LRRN4: variants seen among roughly 807,000 people sequenced by gnomAD.
LRRN4 encodes leucine-rich repeat neuronal protein 4.
A neutral mutation model predicts 22.3 loss-of-function variants in LRRN4; 26 were observed. The observed-to-expected ratio is 1.16, with a 90% CI of 0.85 to 1.62. The LOEUF is 1.62. Ranked by LOEUF, LRRN4 falls within the 40% of genes most tolerant of loss-of-function variation. The pLI, the probability that LRRN4 is intolerant of heterozygous loss-of-function variation, is 0.00. For synonymous variants in LRRN4, 496 were observed against 486.2 expected, an observed-to-expected ratio of 1.02 and a Z score of -0.26; for missense variants, 1,070 against 1,008.5, an observed-to-expected ratio of 1.06 and a Z score of -0.83.
Position 6,052,128 on chromosome 20 carries a change from G to C in LRRN4, c.655+17C>G. On this transcript the variant is annotated intron_variant, in intron 2 of 4. Transcript: ENST00000378858. ...CTGCGCTCAGGCCGGCTGAAAACGC[G>C]GGGCGCCCGGACTCACCCCGTTCAA... The C allele has an allele frequency of 1.3e-6, 2 of 1,577,456 alleles. No homozygotes were observed. The highest frequency in any genetic ancestry group is 1.7e-6 in the Non-Finnish European group (2 of 1,162,634).
rs998316618 is a variant in LRRN4, at chr20:6,049,792, C to T, written c.860+987G>A. On this transcript the variant is annotated intron_variant, in intron 3 of 4. Transcript: ENST00000378858. Reference sequence around the variant, plus strand: ...TGCTGGGATTACAGGCATGAGCCATCATGCCTGGCCTCACCACCACTATTA... The same window carrying T: ...TGCTGGGATTACAGGCATGAGCCATTATGCCTGGCCTCACCACCACTATTA... Among the ~76,000 whole-genome samples the T allele has an allele frequency of 2.0e-5, 3 of 151,556 alleles. No homozygotes were observed. The South Asian group carries it at 6.9e-4, about 35-fold the overall frequency.
At position 6,041,820 on chromosome 20, in the gene LRRN4, G is replaced by C. The variant is rs749051409; in HGVS notation, c.1425C>G (p.Ser475=). The change falls in exon 5 of 5, where the codon TCC becomes TCG. Residue 475 remains serine, a synonymous_variant. Coordinates refer to ENST00000378858, the MANE Select transcript of LRRN4 (RefSeq NM_152611.5). The surrounding 1 kb of genome is among the most constrained non-coding windows in gnomAD (Gnocchi z 9.4). ...LVLEPDISAA[S]TPLASKLLGP... is the part of the protein sequence containing the mutation. Reference sequence around the variant, plus strand: ...CCAGGAGCTTGCTGGCCAGTGGGGTGGAGGCAGCTGAGATATCAGGCTCAA... The same window carrying C: ...CCAGGAGCTTGCTGGCCAGTGGGGTCGAGGCAGCTGAGATATCAGGCTCAA... 1 of 1,614,202 alleles carries C rather than the reference G, an allele frequency of 6.2e-7. No homozygotes were observed. Among genetic ancestry groups the C allele is most frequent in the Admixed American group, 1.7e-5 (1 of 60,030 alleles).
chr20:6,041,255 A>C lies in LRRN4; in HGVS notation c.1990T>G (p.Ser664Ala), dbSNP rs892070274. 2.5e-6 allele frequency: 4 copies of C among 1,585,070 alleles called. No homozygotes were observed. In the African/African-American group the frequency reaches 4.0e-5, roughly 16 times the overall value. The change falls in exon 5 of 5, where the codon TCT becomes GCT. Residue 664 changes from serine to alanine, a missense_variant. Transcript: ENST00000378858. This position sits in a 1 kb window ranked among gnomAD's most constrained non-coding sequence, Gnocchi z 9.4. ...GCGCACGGGCTCCTCCAGCCCGAAG[A>C]CCGTGGCTGGCTCAAGCCCGCCCTG... is the stretch of plus-strand genomic sequence containing the variant. ...ANRAGLSQPR[S>A]SGWRSPCAAF...
intron 4 of LRRN4, 117 bp downstream of exon 4, chr20:6,044,426 C>T (rs1231368291): frequency 1.4e-5 from 16 of 1,103,484 alleles, no homozygotes; most frequent in Non-Finnish European, 1.6e-5. Flanking sequence ...AAAGGCTGCC[C>T]AGCCCAACAT....
rs1297742280 is a variant in LRRN4, at chr20:6,052,578, C to A, written c.222G>T (p.Pro74=). The change falls in exon 2 of 5, where the codon CCG becomes CCT. Residue 74 remains proline, a synonymous_variant. Transcript: ENST00000378858. ...RNLERLPGCL[P]RTLRSLDASH... ...TGGCGTCGAGGCTGCGCAGTGTGCG[C>A]GGTAGGCAGCCGGGCAGGCGCTCCA... 1.9e-6 allele frequency: 3 copies of A among 1,581,542 alleles called. No individual in the cohort carries two copies. Among genetic ancestry groups the A allele is most frequent in the Admixed American group, 1.8e-5 (1 of 56,436 alleles).
chr20:6,044,544 T>TG lies in LRRN4; in HGVS notation c.996dup (p.Arg333GlnfsTer79). ...CCATCTGCTTTGTAAATGTGTTACC[T>TG]GCTTAGGACAGTTCTCTTTGCATCC... On this transcript the variant is annotated frameshift_variant and splice_region_variant, in exon 4 of 5. Transcript: ENST00000378858. LOFTEE classifies it low-confidence loss of function (END_TRUNC). The TG allele has an allele frequency of 6.6e-7, 1 of 1,521,858 alleles. No homozygotes were observed. The highest frequency in any genetic ancestry group is 8.8e-7 in the Non-Finnish European group (1 of 1,135,858). The allele number at this position is 1,521,858 out of a possible 1,614,324, so 94.3% of individuals were successfully genotyped here. A position where few individuals can be genotyped will look rare whatever the true frequency, so the allele number is the denominator to read the frequency against.
At chr20:6,053,340 A>G (rs956484888) in intron 1 of LRRN4, among the ~76,000 whole-genome samples, 1 of 152,168 alleles carries the variant, frequency 6.6e-6, no homozygotes, top group East Asian at 1.9e-4. Context: ...TTTGCCTAAA[A>G]TAAGTCTTGG....
chr20:6,047,789 CA>C (rs11333545), intron 3 of LRRN4, among the ~76,000 whole-genome samples: 85,462 of 139,374 alleles, frequency 0.61, 25,424 homozygotes, highest in African/African-American at 0.66. Context: ...GACTCCATCT[CA>C]AAAAAAAAAA....
rs1383367884 is a variant in LRRN4 at position 6,052,340 on chromosome 20, C to T, written c.460G>A (p.Ala154Thr). ...ALSSLRALAL[A>T]GNPLRALQPR... ...TGCAGCGCCCGCAGCGGATTCCCGG[C>T]GAGCGCCAGGGCGCGGAGGCTGCTC... The change falls in exon 2 of 5, where the codon GCC becomes ACC. Residue 154 changes from alanine to threonine, a missense_variant. Coordinates refer to ENST00000378858, the MANE Select transcript of LRRN4 (RefSeq NM_152611.5). 2 of 1,507,368 alleles carry T rather than the reference C, an allele frequency of 1.3e-6. No homozygotes were observed. Among genetic ancestry groups the T allele is most frequent in the Non-Finnish European group, 1.8e-6 (2 of 1,136,392 alleles). The allele number at this position is 1,507,368 out of a possible 1,614,324, so 93.4% of individuals were successfully genotyped here. A position where few individuals can be genotyped will look rare whatever the true frequency, so the allele number is the denominator to read the frequency against.
At position 6,052,806 on chromosome 20, in the gene LRRN4, T is replaced by C. The variant is rs1171459424; in HGVS notation, c.-5-2A>G. The C allele has an allele frequency of 1.3e-6, 2 of 1,559,838 alleles. No individual in the cohort carries two copies. The highest frequency in any genetic ancestry group is 1.7e-6 in the Non-Finnish European group (2 of 1,159,988). ...GCGGTAGGGTTTGCCGCATGGCGTC[T>C]GGGGAGAGAACAGCAGGACGCCCAT... On this transcript the variant is annotated splice_acceptor_variant, in intron 1 of 4. Coordinates refer to ENST00000378858, the MANE Select transcript of LRRN4 (RefSeq NM_152611.5). LOFTEE classifies it low-confidence loss of function (5UTR_SPLICE).
At chr20:6,053,035 TC>T (rs1291337441) in intron 1 of LRRN4, among the ~76,000 whole-genome samples, 3 of 152,086 alleles carry the variant, frequency 2.0e-5, no homozygotes, top group African/African-American at 7.2e-5. Flanking sequence ...CTGCTCTTCC[TC>T]CCCTCAAGGA....
Position 6,052,731 on chromosome 20 carries a change from C to T in LRRN4, c.69G>A (p.Glu23=), listed in dbSNP as rs1244298858. The T allele has an allele frequency of 6.4e-7, 1 of 1,571,570 alleles. No individual in the cohort carries two copies. The highest frequency in any genetic ancestry group is 1.2e-5 in the South Asian group (1 of 86,796). The change falls in exon 2 of 5, where the codon GAG becomes GAA. Residue 23 remains glutamate, a synonymous_variant. Transcript: ENST00000378858. ...GAGTGACCCGGAAGAGCGGGACCTTCTCCTGGGGAGGGTCTGCCCAGCTGG... is the reference window on the plus strand; with the variant it reads ...GAGTGACCCGGAAGAGCGGGACCTTTTCCTGGGGAGGGTCTGCCCAGCTGG... The part of the protein sequence containing the change: ...LRPSWADPPQ[E]KVPLFRVTQQ...
intron 1 of LRRN4, among the ~76,000 whole-genome samples, chr20:6,053,573 C>T (rs1045386972): frequency 1.3e-5 from 2 of 152,066 alleles, no homozygotes; most frequent in African/African-American, 2.4e-5. Context: ...GAGGAAGATC[C>T]GGCAGCCATG....
Position 6,040,967 on chromosome 20 carries a change from C to A in LRRN4, c.*55G>T. ...TGGGGTCGTTTTTGACCGTCTGTGT[C>A]TTCCTTTTTGCGCTCAGATCCAGTT... On this transcript the variant is annotated 3_prime_UTR_variant, in exon 5 of 5. Coordinates refer to ENST00000378858, the MANE Select transcript of LRRN4 (RefSeq NM_152611.5). 1 of 1,573,334 alleles carries A rather than the reference C, an allele frequency of 6.4e-7. No homozygotes were observed. The highest frequency in any genetic ancestry group is 8.7e-7 in the Non-Finnish European group (1 of 1,153,996).
chr20:6,052,764 C>A lies in LRRN4; in HGVS notation c.36G>T (p.Val12=), dbSNP rs927592489. 10 of 1,575,096 alleles carry A rather than the reference C, an allele frequency of 6.3e-6. No homozygotes were observed. Among genetic ancestry groups the A allele is most frequent in the Non-Finnish European group, 8.6e-6 (10 of 1,168,210 alleles). Residue 12 remains valine, a synonymous_variant, in exon 2 of 5, where the codon GTG becomes GTT. Transcript: ENST00000378858. ...GAGGGTCTGCCCAGCTGGGGCGCAG[C>A]ACCGTCAGCAGCAGCAGCGGTAGGG... is the stretch of plus-strand genomic sequence containing the variant. ...RQTLPLLLLT[V]LRPSWADPPQ... is the part of the protein sequence containing the mutation.
intron 3 of LRRN4, among the ~76,000 whole-genome samples, chr20:6,045,132 C>T (rs977355404): frequency 3.4e-5 from 5 of 148,494 alleles, no homozygotes; most frequent in Non-Finnish European, 3.0e-5. Context: ...CATGACTGAT[C>T]GTTGTATCAA....
At chr20:6,051,442 A>G (rs1353858190) in intron 2 of LRRN4, among the ~76,000 whole-genome samples, 1 of 152,240 alleles carries the variant, frequency 6.6e-6, no homozygotes, top group East Asian at 1.9e-4. Context: ...TAATACATGG[A>G]GAACGTGCCC....
Position 6,046,849 on chromosome 20 carries a change from G to T in LRRN4, c.861-2169C>A. On this transcript the variant is annotated intron_variant, in intron 3 of 4. Coordinates refer to ENST00000378858, the MANE Select transcript of LRRN4 (RefSeq NM_152611.5). ...TATATATGCGTGTATGCTTGTTTTT[G>T]CAGATTTTACATAGCTAGAATGGAA... Among the ~76,000 whole-genome samples, 2 of 141,780 alleles carry T rather than the reference G, an allele frequency of 1.4e-5. 1 individual carries two copies. Among genetic ancestry groups the T allele is most frequent in the Non-Finnish European group, 3.2e-5 (2 of 62,854 alleles). 93.0% of individuals were successfully genotyped at this position (141,780 alleles called of 152,430 possible). A position where few individuals can be genotyped will look rare whatever the true frequency, so the allele number is the denominator to read the frequency against.
At chr20:6,047,153 G>A (rs6076917) in intron 3 of LRRN4, among the ~76,000 whole-genome samples, 15,005 of 152,072 alleles carry the variant, frequency 0.099, 889 homozygotes, top group Middle Eastern at 0.21. Flanking sequence ...TACACGTGAT[G>A]AAGTCCCACA....
Sources: allele counts gnomAD v4.1 joint callset (sites outside exome capture counted in the v4.1 genomes callset), GRCh38; gene constraint gnomAD v4.1.1; non-coding constraint Gnocchi (gnomAD v3.1); transcripts MANE v1.5; gene names NCBI Gene and HGNC (gene_info 2026-07-23, HGNC 2026-07-21).